ZFPM1: variants seen among roughly 807,000 people sequenced by gnomAD.
ZFPM1 encodes zinc finger protein, FOG family member 1.
Under a neutral mutation model 46.3 loss-of-function variants are expected in ZFPM1, and 28 were observed. The observed-to-expected ratio is 0.60, with a 90% CI of 0.45 to 0.83. The LOEUF is 0.83. Among genes scored for constraint, ZFPM1 ranks in the 40% least tolerant of loss-of-function variants. ZFPM1 has a pLI of 0.00. For missense variants in ZFPM1, 1,878 were observed against 1,432.4 expected, an observed-to-expected ratio of 1.31 and a Z score of -5.02; for synonymous variants, 957 against 675.9, an observed-to-expected ratio of 1.42 and a Z score of -6.45.
At position 88,532,606 on chromosome 16, in the gene ZFPM1, T is replaced by C; in HGVS notation, c.947-8T>C. ...CCGGGCACCGCTCTTACGCGCCCTG[T>C]GTTCCAGGAGAGCGGCCCTTCGTGT... On this transcript the variant is annotated splice_polypyrimidine_tract_variant and splice_region_variant and intron_variant, in intron 7 of 9. Coordinates refer to ENST00000319555, the MANE Select transcript of ZFPM1 (RefSeq NM_153813.3). 1 of 1,559,632 alleles carries C rather than the reference T, an allele frequency of 6.4e-7. No individual in the cohort carries two copies. The highest frequency in any genetic ancestry group is 8.7e-7 in the Non-Finnish European group (1 of 1,151,602).
At chr16:88,487,578 G>T (rs536827386) in intron 2 of ZFPM1, among the ~76,000 whole-genome samples, 12 of 152,264 alleles carry the variant, frequency 7.9e-5, no homozygotes, top group African/African-American at 2.9e-4. Context: ...GAGGGGCTGG[G>T]GTGGAGATCC....
chr16:88,463,638 C>T (rs1907998188), intron 1 of ZFPM1, among the ~76,000 whole-genome samples: 2 of 152,264 alleles, frequency 1.3e-5, no homozygotes, highest in Non-Finnish European at 2.9e-5. Flanking sequence ...CAGCCCCAGC[C>T]CCGGAGCTTG....
chr16:88,492,183 C>T (rs1909618977), intron 3 of ZFPM1, among the ~76,000 whole-genome samples: 1 of 152,080 alleles, frequency 6.6e-6, no homozygotes, highest in South Asian at 2.1e-4. Context: ...CCCTGCCTCT[C>T]TTTCTCTCTC....
intron 3 of ZFPM1, 161 bp downstream of exon 3, chr16:88,489,314 C>A: frequency 8.5e-7 from 1 of 1,178,696 alleles, no homozygotes; most frequent in Non-Finnish European, 1.1e-6. Context: ...ACCCGTGCAG[C>A]TGGTGGTATC....
At chr16:88,531,293 C>G (rs1011218607) in intron 6 of ZFPM1, among the ~76,000 whole-genome samples, 1 of 152,212 alleles carries the variant, frequency 6.6e-6, no homozygotes, top group African/African-American at 2.4e-5. Context: ...ACCGAGAACA[C>G]GCTAGAGAAG....
At chr16:88,531,930 C>T (rs1912813477) in intron 6 of ZFPM1, 72 bp from the exon 7 acceptor site, 1 of 1,447,776 alleles carries the variant, frequency 6.9e-7, no homozygotes, top group Non-Finnish European at 9.4e-7. Flanking sequence ...CCAGGCCCTG[C>T]CTCCGCCCAC....
Position 88,461,092 on chromosome 16 carries a change from C to CG in ZFPM1, c.40+7414_40+7415insG, listed in dbSNP as rs1567525645. On this transcript the variant is annotated intron_variant, in intron 1 of 9. Transcript: ENST00000319555. ...CAGGGGCAGAAGGTCTGGTGAGGACCAAGGGGCAGGAGGCCCTGGTGAGGA... is the reference window on the plus strand; with the variant it reads ...CAGGGGCAGAAGGTCTGGTGAGGACCGAAGGGGCAGGAGGCCCTGGTGAGGA... 2.9e-4 allele frequency among the ~76,000 whole-genome samples: 28 copies of CG among 98,152 alleles called. 2 individuals are homozygous for CG. Among genetic ancestry groups the CG allele is most frequent in the African/African-American group, 1.4e-3 (28 of 20,416 alleles). 64.4% of individuals were successfully genotyped at this position (98,152 alleles called of 152,430 possible). A position where few individuals can be genotyped will look rare whatever the true frequency, so the allele number is the denominator to read the frequency against.
At chr16:88,516,630 T>G (rs1368565030) in intron 4 of ZFPM1, 1 of 398,564 alleles carries the variant, frequency 2.5e-6, no homozygotes, top group Admixed American at 4.4e-5. Flanking sequence ...CTTCAAGATA[T>G]GCACGCCTTT....
intron 3 of ZFPM1, among the ~76,000 whole-genome samples, chr16:88,510,354 C>T (rs572274450): frequency 1.5e-4 from 23 of 152,342 alleles, no homozygotes; most frequent in African/African-American, 5.0e-4. Context: ...GGGGTTGGCT[C>T]AGCCAGCAGC....
chr16:88,511,581 C>A (rs1418096834), intron 3 of ZFPM1, among the ~76,000 whole-genome samples: 1 of 152,158 alleles, frequency 6.6e-6, no homozygotes, highest in Non-Finnish European at 1.5e-5. Flanking sequence ...TGAGCCAAGT[C>A]CTCAGGAGGC....
At position 88,519,419 on chromosome 16, in the gene ZFPM1, A is replaced by AGATG. The variant is rs1006789217; in HGVS notation, c.402+4915_402+4918dup. On this transcript the variant is annotated intron_variant, in intron 4 of 9. Coordinates refer to ENST00000319555, the MANE Select transcript of ZFPM1 (RefSeq NM_153813.3). ...TAAGTGAGTGGGTGAATGGGTGGAT[A>AGATG]GATGGATGGATGGATGGATAGATGC... 4.8e-5 allele frequency among the ~76,000 whole-genome samples: 6 copies of AGATG among 125,362 alleles called. No individual in the cohort carries two copies. The East Asian group carries it at 1.1e-3, about 22-fold the overall frequency. 82.2% of individuals were successfully genotyped at this position (125,362 alleles called of 152,430 possible).
chr16:88,473,233 G>GC (rs1480385974), intron 1 of ZFPM1, among the ~76,000 whole-genome samples: 3 of 152,370 alleles, frequency 2.0e-5, no homozygotes, highest in East Asian at 1.9e-4. Context: ...CCTGCTCCTG[G>GC]CCCCCGGGAA....
chr16:88,532,373 C>A (rs936506379), intron 7 of ZFPM1, 138 bp downstream of exon 7: 5 of 990,678 alleles, frequency 5.0e-6, no homozygotes, highest in Non-Finnish European at 7.3e-6. Flanking sequence ...ACACCCAGGG[C>A]CCCCGCAGGG....
intron 3 of ZFPM1, among the ~76,000 whole-genome samples, chr16:88,492,627 G>A (rs1011966623): frequency 5.3e-5 from 8 of 152,182 alleles, no homozygotes; most frequent in Non-Finnish European, 8.8e-5. Context: ...CCCCGACCCC[G>A]GTTAGACCCA....
At chr16:88,474,549 C>T (rs962987477) in intron 1 of ZFPM1, among the ~76,000 whole-genome samples, 1 of 152,240 alleles carries the variant, frequency 6.6e-6, no homozygotes, top group Non-Finnish European at 1.5e-5. Context: ...CCTCCCATCC[C>T]TGGGCCGTGC....
chr16:88,471,692 A>G lies in ZFPM1; in HGVS notation c.41-14247A>G, dbSNP rs974207183. On this transcript the variant is annotated intron_variant, in intron 1 of 9. Transcript: ENST00000319555. This position sits in a 1 kb window ranked among gnomAD's most constrained non-coding sequence, Gnocchi z 4.1. ...GGCTCCCACACACAGTGGAGGGGTCAGGGCTCCCGGCTCTAAAGCCACATG... is the reference window on the plus strand; with the variant it reads ...GGCTCCCACACACAGTGGAGGGGTCGGGGCTCCCGGCTCTAAAGCCACATG... 6.6e-6 allele frequency among the ~76,000 whole-genome samples: 1 copy of G among 152,214 alleles called. No individual in the cohort carries two copies. The highest frequency in any genetic ancestry group is 1.5e-5 in the Non-Finnish European group (1 of 68,052).
chr16:88,489,712 G>A (rs1162713915), intron 3 of ZFPM1, among the ~76,000 whole-genome samples: 1 of 152,244 alleles, frequency 6.6e-6, no homozygotes, highest in East Asian at 1.9e-4. Context: ...TCTGCTCCGT[G>A]ATTTGCAGCT....
At chr16:88,528,362 T>G in intron 6 of ZFPM1, 124 bp downstream of exon 6, 1 of 1,146,252 alleles carries the variant, frequency 8.7e-7, no homozygotes, top group Non-Finnish European at 1.2e-6. Flanking sequence ...GAGTGAGAGG[T>G]AAGGCAGGGA....
chr16:88,491,250 GGGTAGCA>G (rs1909557370), intron 3 of ZFPM1, among the ~76,000 whole-genome samples: 7 of 152,164 alleles, frequency 4.6e-5, no homozygotes, highest in Admixed American at 4.6e-4. Context: ...ATAGGGTAGC[GGGTAGCA>G]GGGAGGGCGC....
Sources: gnomAD v4.1 joint callset for allele counts (sites outside exome capture counted in the v4.1 genomes callset) on GRCh38, gnomAD v4.1.1 for gene constraint, Gnocchi (gnomAD v3.1) non-coding constraint, MANE v1.5 for transcripts, NCBI Gene and HGNC (gene_info 2026-07-23, HGNC 2026-07-21) for gene names.